The following STRADA variants were observed in gnomAD, a reference collection of about 807,000 sequenced individuals.
STRADA encodes STE20-related kinase adapter protein alpha.
STRADA carries 26 observed loss-of-function variants against 55.0 expected under a neutral mutation model. The observed-to-expected ratio is 0.47, with a 90% CI of 0.35 to 0.66. The LOEUF (loss-of-function observed/expected upper bound fraction) is 0.66, where lower values mean the gene tolerates loss of function less well. Ranked by LOEUF, STRADA falls within the 30% of genes least tolerant of loss-of-function variation. STRADA has a pLI of 0.01. For synonymous variants in STRADA, 197 were observed against 210.9 expected, an observed-to-expected ratio of 0.93 and a Z score of 0.57; for missense variants, 443 against 549.7, an observed-to-expected ratio of 0.81 and a Z score of 1.94.
intron 1 of STRADA, among the ~76,000 whole-genome samples, chr17:63,728,740 A>ATT (rs1568213268): frequency 7.5e-5 from 5 of 66,708 alleles, no homozygotes; most frequent in African/African-American, 2.0e-4. Flanking sequence ...CTCTATAAAA[A>ATT]AAAAAAAAAA....
intron 1 of STRADA, among the ~76,000 whole-genome samples, chr17:63,738,325 A>G (rs1379485706): frequency 7.0e-6 from 1 of 143,396 alleles, no homozygotes; most frequent in East Asian, 2.0e-4. Context: ...TGGGCGACAG[A>G]GCGAGACTCC....
intron 3 of STRADA, 101 bp downstream of exon 3, chr17:63,726,537 C>A (rs1450060945): frequency 4.4e-6 from 5 of 1,127,960 alleles, no homozygotes; most frequent in Non-Finnish European, 6.4e-6. Context: ...GTAGGTTACA[C>A]TTGCCCTTAG....
At chr17:63,719,461 T>C (rs1222003387) in intron 4 of STRADA, among the ~76,000 whole-genome samples, 2 of 152,146 alleles carry the variant, frequency 1.3e-5, no homozygotes, top group Admixed American at 6.5e-5. Context: ...ATAACTCCCT[T>C]TGGAGAAACC....
At position 63,714,059 on chromosome 17, in the gene STRADA, ACCT is replaced by A; in HGVS notation, c.170_172del (p.Glu57del). 3 of 1,613,754 alleles carry A rather than the reference ACCT, an allele frequency of 1.9e-6. No individual in the cohort carries two copies. The highest frequency in any genetic ancestry group is 1.6e-4 in the Middle Eastern group (1 of 6,062). ...TCCCTCTGGCAGAAAGCTACTCATG[ACCT>A]CCTGTTTAGAGAAGGATGCTATTGA... On this transcript the variant is annotated inframe_deletion, in exon 5 of 13. Transcript: ENST00000336174.
At chr17:63,711,621 C>T (rs1000048620) in intron 6 of STRADA, among the ~76,000 whole-genome samples, 1 of 151,264 alleles carries the variant, frequency 6.6e-6, no homozygotes, top group African/African-American at 2.4e-5. Flanking sequence ...GTGCCCAGCC[C>T]AAAACTATGT....
chr17:63,714,876 C>A (rs1299402413), intron 4 of STRADA, among the ~76,000 whole-genome samples: 2 of 152,236 alleles, frequency 1.3e-5, no homozygotes, highest in African/African-American at 4.8e-5. Context: ...ACCAACAGCT[C>A]TTCTTTCAGC....
chr17:63,710,766 T>G lies in STRADA; in HGVS notation c.419A>C (p.Asp140Ala), dbSNP rs759399279. 5.0e-6 allele frequency: 8 copies of G among 1,614,244 alleles called. No homozygotes were observed. The South Asian group carries it at 7.7e-5, about 16-fold the overall frequency. ...TGATGTGACAACCCACAGCTCATTG[T>G]CTGCAATAAAAGTGGCTCGATATGG... ...IVPYRATFIA[D>A]NELWVVTSFM... The change falls in exon 7 of 13, where the codon GAC becomes GCC. Residue 140 changes from aspartate to alanine, a missense_variant. Transcript: ENST00000336174.
chr17:63,720,359 A>T (rs1314942796), intron 4 of STRADA, among the ~76,000 whole-genome samples: 4 of 151,860 alleles, frequency 2.6e-5, no homozygotes. Flanking sequence ...GTTTTTAGAG[A>T]TGGGGTCTCA....
rs564629487 is a variant in STRADA at position 63,733,400 on chromosome 17, T to G, written c.-44-4987A>C. ...TAAAAATTGTATTCAGTTCTCTTGC[T>G]TTTTCTTCTTCCTTTTATCTTTGCT... On this transcript the variant is annotated intron_variant, in intron 1 of 12. Coordinates refer to ENST00000336174, the MANE Select transcript of STRADA (RefSeq NM_001003787.4). 4.3e-4 allele frequency among the ~76,000 whole-genome samples: 65 copies of G among 152,304 alleles called. 1 individual carries two copies. The highest frequency in any genetic ancestry group is 3.4e-3 in the Middle Eastern group (1 of 294).
rs981872450 is a variant in STRADA at position 63,704,976 on chromosome 17, C to T, written c.859-394G>A. 8.4e-6 allele frequency: 12 copies of T among 1,425,438 alleles called. No homozygotes were observed. The Admixed American group carries it at 1.2e-4, about 14-fold the overall frequency. 88.3% of individuals were successfully genotyped at this position (1,425,438 alleles called of 1,614,324 possible). A position where few individuals can be genotyped will look rare whatever the true frequency, so the allele number is the denominator to read the frequency against. On this transcript the variant is annotated intron_variant, in intron 10 of 12. Coordinates refer to ENST00000336174, the MANE Select transcript of STRADA (RefSeq NM_001003787.4). Reference sequence around the variant, plus strand: ...GCCGTCTGCCATGCTCAGGTGGATCCGATGAGGTCTGAGAGGCAGTCCCTG... The same window carrying T: ...GCCGTCTGCCATGCTCAGGTGGATCTGATGAGGTCTGAGAGGCAGTCCCTG...
intron 4 of STRADA, 168 bp from the exon 5 acceptor site, chr17:63,714,276 T>C: frequency 4.8e-6 from 3 of 618,578 alleles, no homozygotes; most frequent in Non-Finnish European, 9.0e-6. Context: ...ACATTCAGGG[T>C]AGTAATCAGC....
In STRADA at chr17:63,703,364, G is replaced by T. The variant is rs917307012; in HGVS notation, c.*235C>A. 2.1e-6 allele frequency: 1 copy of T among 482,596 alleles called. No homozygotes were observed. The highest frequency in any genetic ancestry group is 2.0e-5 in the African/African-American group (1 of 51,140). 29.9% of individuals were successfully genotyped at this position (482,596 alleles called of 1,614,324 possible). ...TGAGCTCACAGGACTGGGAATGTCGGCTTTGGACCCTCCTGATCCCTGGTT... is the reference window on the plus strand; with the variant it reads ...TGAGCTCACAGGACTGGGAATGTCGTCTTTGGACCCTCCTGATCCCTGGTT... On this transcript the variant is annotated 3_prime_UTR_variant, in exon 13 of 13. Transcript: ENST00000336174.
intron 1 of STRADA, among the ~76,000 whole-genome samples, chr17:63,732,068 C>A (rs1759987176): frequency 6.6e-6 from 1 of 152,076 alleles, no homozygotes; most frequent in South Asian, 2.1e-4. Flanking sequence ...CAGGGTTTCA[C>A]CATGTTAGCC....
chr17:63,726,447 G>A (rs2037663382), intron 3 of STRADA, 191 bp downstream of exon 3: 9 of 544,314 alleles, frequency 1.7e-5, no homozygotes, highest in Non-Finnish European at 2.9e-5. Context: ...ATCAAGACAG[G>A]CCAAGGAAAA....
rs1197848632 is a variant in STRADA, at chr17:63,703,625, G to C, written c.1270C>G (p.Leu424Val). The change falls in exon 13 of 13, where the codon CTG becomes GTG. Residue 424 changes from leucine to valine, a missense_variant. Leu to Val is a conservative substitution (Grantham distance 32). Transcript: ENST00000336174. ...CAGAACTCCCAATCGTCCACCTCCA[G>C]CTCTTCCAGGTTTGTTACCAGGCCA... ...IFGLVTNLEE[L>V]EVDDWEF 5 of 1,614,072 alleles carry C rather than the reference G, an allele frequency of 3.1e-6. No homozygotes were observed. In the African/African-American group the frequency reaches 4.0e-5, roughly 13 times the overall value.
chr17:63,704,921 A>T, intron 10 of STRADA: 4 of 1,535,496 alleles, frequency 2.6e-6, no homozygotes, highest in Middle Eastern at 1.7e-4. Context: ...AGAGGGAAGG[A>T]GCAGTCAGAT....
chr17:63,717,924 A>G (rs1054435669), intron 4 of STRADA, among the ~76,000 whole-genome samples: 7 of 151,658 alleles, frequency 4.6e-5, no homozygotes, highest in Non-Finnish European at 7.4e-5. Flanking sequence ...AGGATCACTA[A>G]ATTTTTAAAA....
At chr17:63,717,696 C>T (rs558037391) in intron 4 of STRADA, among the ~76,000 whole-genome samples, 8 of 151,972 alleles carry the variant, frequency 5.3e-5, no homozygotes, top group Middle Eastern at 3.4e-3. Context: ...AGATTGGTCT[C>T]GAACTCCTGA....
chr17:63,739,095 C>T (rs183200394), intron 1 of STRADA, among the ~76,000 whole-genome samples: 253 of 137,394 alleles, frequency 1.8e-3, no homozygotes, highest in African/African-American at 6.7e-3. Flanking sequence ...GAAGCAAGAC[C>T]GTGCCACTGC....
Sources: gnomAD v4.1 joint callset for allele counts (sites outside exome capture counted in the v4.1 genomes callset) on GRCh38, gnomAD v4.1.1 for gene constraint, MANE v1.5 for transcripts, NCBI Gene and HGNC (gene_info 2026-07-23, HGNC 2026-07-21) for gene names.